MUC12: variants seen among roughly 807,000 people sequenced by gnomAD.
MUC12 encodes mucin-12.
MUC12 carries 172 observed loss-of-function variants against 230.8 expected under a neutral mutation model. That is an observed-to-expected ratio of 0.75 (90% CI 0.66 to 0.85). MUC12 has a LOEUF of 0.85. Ranked by LOEUF, MUC12 falls within the 40% of genes least tolerant of loss-of-function variation. MUC12 has a pLI of 0.00. For synonymous variants in MUC12, 1,259 were observed against 2,401.9 expected, an observed-to-expected ratio of 0.52 and a Z score of 13.91; for missense variants, 3,506 against 5,920.6, an observed-to-expected ratio of 0.59 and a Z score of 13.38.
chr7:100,972,099 C>G, intron 1 of MUC12: 1 of 703,300 alleles, frequency 1.4e-6, no homozygotes, highest in Non-Finnish European at 2.6e-6. Context: ...TCCAGAGACC[C>G]CCTGCCCTCC....
chr7:101,006,236 T>G (rs965371086), intron 2 of MUC12, among the ~76,000 whole-genome samples: 1 of 152,152 alleles, frequency 6.6e-6, no homozygotes, highest in Non-Finnish European at 1.5e-5. Context: ...AAGAGTGCTT[T>G]TTTCATAGCT....
At position 101,013,017 on chromosome 7, in the gene MUC12, G is replaced by A; in HGVS notation, c.15513G>A (p.Gln5171=). 1.3e-6 allele frequency: 2 copies of A among 1,537,336 alleles called. No individual in the cohort carries two copies. Among genetic ancestry groups the A allele is most frequent in the South Asian group, 1.2e-5 (1 of 84,064 alleles). The change falls in exon 8 of 12, where the codon CAG becomes CAA. Residue 5171 remains glutamine (Q), a synonymous_variant. Coordinates refer to ENST00000536621, the MANE Select transcript of MUC12 (RefSeq NM_001164462.2). ...AGAAGGCTGCCGAAGGATATACCCA[G>A]TTCTACTATGTGGATGTCTTGGATG... is the stretch of plus-strand genomic sequence containing the variant. ...CTQKAAEGYT[Q]FYYVDVLDGK...
In MUC12 at chr7:100,994,026, G is replaced by A. The variant is rs1273300921; in HGVS notation, c.3463G>A (p.Glu1155Lys). 9 of 1,215,042 alleles carry A rather than the reference G, an allele frequency of 7.4e-6. 3 individuals are homozygous for A. Among genetic ancestry groups the A allele is most frequent in the Non-Finnish European group, 9.9e-6 (9 of 910,752 alleles). The allele number at this position is 1,215,042 out of a possible 1,614,324, so 75.3% of individuals were successfully genotyped here. The change falls in exon 2 of 12, where the codon GAG becomes AAG. Residue 1155 changes from glutamate to lysine, a missense_variant. By Grantham distance (56) the Glu-to-Lys change is moderately conservative. Transcript: ENST00000536621. ...CAGCACCACCACGCCAGGCCTCAGT[G>A]AGGAATCTACCACCGTCTACAGCAG... ...PASTTTPGLSEESTTVYSSSR... is the reference protein window; with the variant it reads ...PASTTTPGLSKESTTVYSSSR...
chr7:100,998,296 A>C lies in MUC12; in HGVS notation c.7733A>C (p.Tyr2578Ser), dbSNP rs1244339675. ...ATAPVEESTT[Y>S]HRSPGSTPTT... ...GCCCCTGTTGAAGAATCTACAACCTACCACCGCAGCCCAGGCTCGACTCCA... is the reference window on the plus strand; with the variant it reads ...GCCCCTGTTGAAGAATCTACAACCTCCCACCGCAGCCCAGGCTCGACTCCA... Residue 2578 changes from tyrosine (Y) to serine (S), a missense_variant, in exon 2 of 12, where the codon TAC (tyrosine) becomes TCC (serine). Transcript: ENST00000536621. 1 of 923,324 alleles carries C rather than the reference A, an allele frequency of 1.1e-6. No homozygotes were observed. Among genetic ancestry groups the C allele is most frequent in the African/African-American group, 2.5e-5 (1 of 39,368 alleles). The allele number at this position is 923,324 out of a possible 1,614,324, so 57.2% of individuals were successfully genotyped here. A position where few individuals can be genotyped will look rare whatever the true frequency, so the allele number is the denominator to read the frequency against.
chr7:100,980,782 T>G (rs1793093700), intron 1 of MUC12, among the ~76,000 whole-genome samples: 1 of 151,632 alleles, frequency 6.6e-6, no homozygotes, highest in Non-Finnish European at 1.5e-5. Context: ...ATTAGCTGAG[T>G]ATGGTGGGGC....
chr7:101,012,712 C>T, intron 6 of MUC12, 107 bp from the exon 7 acceptor site: 1 of 1,269,020 alleles, frequency 7.9e-7, no homozygotes. Flanking sequence ...CTCCCACGGG[C>T]ATTGGCCCAG....
At chr7:101,014,300 A>AC (rs1793883123) in intron 9 of MUC12, 6 of 436,474 alleles carry the variant, frequency 1.4e-5, no homozygotes, top group Admixed American at 8.2e-5. Context: ...GTGCTATTAT[A>AC]ACAGAATACC....
intron 1 of MUC12, among the ~76,000 whole-genome samples, chr7:100,989,143 C>G (rs1403543448): frequency 6.7e-6 from 1 of 149,070 alleles, no homozygotes; most frequent in Admixed American, 6.7e-5. Flanking sequence ...CTCTGTCACC[C>G]AGGCTGGAGT....
At chr7:100,971,985 A>G in intron 1 of MUC12, 3 of 691,582 alleles carry the variant, frequency 4.3e-6, no homozygotes, top group South Asian at 1.5e-5. Flanking sequence ...CTTAGTGTGC[A>G]AAACAGTCAG....
chr7:101,007,963 ATT>A (rs71517131), intron 3 of MUC12, among the ~76,000 whole-genome samples: 2 of 138,704 alleles, frequency 1.4e-5, no homozygotes, highest in Non-Finnish European at 1.6e-5. Flanking sequence ...ATGCCTGGCT[ATT>A]TTTTTTTTTT....
rs767244717 is a variant in MUC12, at chr7:101,004,658, C to G, written c.14095C>G (p.Pro4699Ala). ...AGATACAAATGGAATCACACCCTTA[C>G]CTGCCCATTTTACTACCTCAGGCCG... ...SPDTNGITPL[P>A]AHFTTSGRIA... Residue 4699 changes from proline (P) to alanine (A), a missense_variant, in exon 2 of 12, where the codon CCT (proline) becomes GCT (alanine). Transcript: ENST00000536621. 7.2e-6 allele frequency: 11 copies of G among 1,537,354 alleles called. No homozygotes were observed. Among genetic ancestry groups the G allele is most frequent in the Non-Finnish European group, 8.7e-7 (1 of 1,146,658 alleles).
chr7:100,990,815 CCACAGCGGCCCAGGTGCAACTGGAACAA>C lies in MUC12; in HGVS notation c.256_283del (p.Gly87SerfsTer38). The C allele has an allele frequency of 1.3e-6, 2 of 1,537,778 alleles. No homozygotes were observed. The highest frequency in any genetic ancestry group is 1.7e-6 in the Non-Finnish European group (2 of 1,147,028). ...GCCACAGTGAGGAATCAACAGTATC[CCACAGCGGCCCAGGTGCAACTGGAACAA>C]CACTCTTCCCTTCCCACTCTGCAAC... is the stretch of plus-strand genomic sequence containing the variant. On this transcript the variant is annotated frameshift_variant, in exon 2 of 12. Transcript: ENST00000536621. LOFTEE classifies it high-confidence loss of function.
rs1270190873 is a variant in MUC12 at position 100,990,813 on chromosome 7, T to A, written c.250T>A (p.Ser84Thr). ...AGGCCACAGTGAGGAATCAACAGTA[T>A]CCCACAGCGGCCCAGGTGCAACTGG... is the stretch of plus-strand genomic sequence containing the variant. ...NSGHSEESTVSHSGPGATGTT... is the reference protein window; with the variant it reads ...NSGHSEESTVTHSGPGATGTT... Residue 84 changes from serine to threonine, a missense_variant, in exon 2 of 12, where the codon TCC (serine) becomes ACC (threonine). Ser to Thr is a moderately conservative substitution (Grantham distance 58). Coordinates refer to ENST00000536621, the MANE Select transcript of MUC12 (RefSeq NM_001164462.2). 1.3e-6 allele frequency: 2 copies of A among 1,537,696 alleles called. No homozygotes were observed. The highest frequency in any genetic ancestry group is 4.9e-5 in the East Asian group (2 of 40,906).
intron 1 of MUC12, among the ~76,000 whole-genome samples, chr7:100,975,167 C>T (rs1023029840): frequency 2.0e-5 from 3 of 152,306 alleles, no homozygotes; most frequent in Non-Finnish European, 2.9e-5. Context: ...CCAGAAAATG[C>T]CAGAAAAATG....
intron 4 of MUC12, 107 bp from the exon 5 acceptor site, chr7:101,008,988 G>T: frequency 7.3e-7 from 1 of 1,366,698 alleles, no homozygotes; most frequent in Non-Finnish European, 1.0e-6. Flanking sequence ...TCCTATGGGA[G>T]CTTACCTGGG....
At chr7:101,018,487 C>A in intron 11 of MUC12, 108 bp from the exon 12 acceptor site, 4 of 857,320 alleles carry the variant, frequency 4.7e-6, no homozygotes, top group East Asian at 3.0e-5. Flanking sequence ...GGGACTCCCT[C>A]CCTCCCCCTG....
Position 101,005,117 on chromosome 7 carries a change from AC to A in MUC12, c.14556del (p.Phe4853SerfsTer131), listed in dbSNP as rs1308533308. ...TVPGLSEEST[T>X]FYSSPGSTET... is the part of the protein sequence containing the mutation. ...GCCAGGCCTTAGTGAGGAATCTACC[AC>A]CTTCTACAGCAGCCCAGGCTCAACT... On this transcript the variant is annotated frameshift_variant, in exon 2 of 12. Coordinates refer to ENST00000536621, the MANE Select transcript of MUC12 (RefSeq NM_001164462.2). LOFTEE classifies it high-confidence loss of function. 1 of 1,537,670 alleles carries A rather than the reference AC, an allele frequency of 6.5e-7. No homozygotes were observed. The highest frequency in any genetic ancestry group is 8.7e-7 in the Non-Finnish European group (1 of 1,147,028).
Position 100,993,099 on chromosome 7 carries a change from G to A in MUC12, c.2536G>A (p.Gly846Ser). The change falls in exon 2 of 12, where the codon GGC becomes AGC. Residue 846 changes from glycine (G) to serine (S), a missense_variant. Physicochemically the swap from Gly to Ser is moderately conservative, Grantham distance 56 (BLOSUM62 0). Transcript: ENST00000536621. Reference protein sequence around the residue: ...TLSPASTTSSGVSEESTTSRS... With the variant: ...TLSPASTTSSSVSEESTTSRS... ...CTCACCTGCCAGCACGACAAGCTCA[G>A]GCGTCAGTGAAGAATCCACCACCTC... 6.5e-7 allele frequency: 1 copy of A among 1,529,598 alleles called. No individual in the cohort carries two copies. Among genetic ancestry groups the A allele is most frequent in the Non-Finnish European group, 8.7e-7 (1 of 1,146,022 alleles). 94.8% of individuals were successfully genotyped at this position (1,529,598 alleles called of 1,614,324 possible).
At chr7:100,971,186 A>AAAT (rs1432291556) in intron 1 of MUC12, among the ~76,000 whole-genome samples, 2 of 1,812 alleles carry the variant, frequency 1.1e-3, no homozygotes, top group East Asian at 0.037. Flanking sequence ...ACAAACAAAA[A>AAAT]AAAAACAAAC....
Sources: gnomAD v4.1 joint callset for allele counts (sites outside exome capture counted in the v4.1 genomes callset) on GRCh38, gnomAD v4.1.1 for gene constraint, MANE v1.5 for transcripts, NCBI Gene and HGNC (gene_info 2026-07-23, HGNC 2026-07-21) for gene names.